Variants in SASH1 observed in about 807,000 individuals in gnomAD.
SASH1 encodes the protein SAM and SH3 domain containing 1.
SASH1 carries 44 observed loss-of-function variants against 125.2 expected under a neutral mutation model. That is an observed-to-expected ratio of 0.35 (90% confidence interval 0.28 to 0.45). SASH1 has a LOEUF of 0.45. Ranked by LOEUF, SASH1 falls within the 20% of genes least tolerant of loss-of-function variation. The pLI is 1.00. For synonymous variants in SASH1, 639 were observed against 649.1 expected (o/e 0.98, Z 0.24); for missense variants, 1,426 against 1,614.5 (o/e 0.88, Z 2.00).
the SASH1 span, among the ~76,000 whole-genome samples, chr6:148,202,951 C>CAA: frequency 1.3e-4 from 18 of 137,260 alleles, no homozygotes; most frequent in African/African-American, 2.4e-4. Flanking sequence ...AAGGCTGTGT[C>CAA]AAAAAAAAAA....
chr6:148,448,274 G>A (rs992812678), intron 4 of SASH1, among the ~76,000 whole-genome samples: 1 of 152,186 alleles, frequency 6.6e-6, no homozygotes, highest in African/African-American at 2.4e-5. Flanking sequence ...GAGTGAGCAT[G>A]CACAAACATG....
chr6:148,476,254 T>C (rs978035619), intron 7 of SASH1, among the ~76,000 whole-genome samples: 2 of 127,990 alleles, frequency 1.6e-5, no homozygotes, highest in South Asian at 2.4e-4. Flanking sequence ...CAATAAAACA[T>C]TGATGCAAGA....
intron 2 of SASH1, among the ~76,000 whole-genome samples, chr6:148,417,581 C>CAAAAAAAAAAAAAAAA (rs1356946579): frequency 2.9e-4 from 20 of 68,606 alleles, no homozygotes; most frequent in African/African-American, 9.9e-4. Context: ...GGGACTCTGT[C>CAAAAAAAAAAAAAAAA]AAAATAAATA....
At chr6:148,344,223 G>C (rs1781443767) in intron 1 of SASH1, among the ~76,000 whole-genome samples, 1 of 152,168 alleles carries the variant, frequency 6.6e-6, no homozygotes, top group South Asian at 2.1e-4. Context: ...TCTTGGCCAA[G>C]TCATTCAACC....
rs748571476 is a variant in SASH1, at chr6:148,527,497, T to C, written c.1329T>C (p.Pro443=). ...DFVYKEVIKS[P]TASRISLGKK... is the part of the protein sequence containing the mutation. ...TGTACAAAGAAGTCATCAAATCACC[T>C]ACTGCCTCTCGCATCTCTCTTGGGA... Residue 443 remains proline (P), a synonymous_variant, in exon 12 of 20, where the codon CCT becomes CCC. Coordinates refer to ENST00000367467, the MANE Select transcript of SASH1 (RefSeq NM_015278.5). 6.2e-7 allele frequency: 1 copy of C among 1,610,184 alleles called. No individual in the cohort carries two copies. Among genetic ancestry groups the C allele is most frequent in the Admixed American group, 1.7e-5 (1 of 59,088 alleles).
chr6:148,323,530 G>A (rs1780709665), intron 1 of SASH1, among the ~76,000 whole-genome samples: 1 of 152,156 alleles, frequency 6.6e-6, no homozygotes, highest in Non-Finnish European at 1.5e-5. Flanking sequence ...GGCTGACGCT[G>A]GTCACTGGAG....
chr6:148,379,761 T>C (rs1783058510), intron 1 of SASH1, among the ~76,000 whole-genome samples: 1 of 152,240 alleles, frequency 6.6e-6, no homozygotes, highest in Non-Finnish European at 1.5e-5. Flanking sequence ...AGTTGCCTGG[T>C]AACAACAAAC....
the SASH1 span, among the ~76,000 whole-genome samples, chr6:148,247,052 CTA>C: frequency 6.6e-6 from 1 of 152,204 alleles, no homozygotes; most frequent in African/African-American, 2.4e-5. Flanking sequence ...AATGGACTGT[CTA>C]TCCCTGAGGA....
chr6:148,363,471 C>T (rs528666345), intron 1 of SASH1, among the ~76,000 whole-genome samples: 13 of 151,900 alleles, frequency 8.6e-5, no homozygotes, highest in Admixed American at 5.9e-4. Context: ...GCACGATCTT[C>T]GCTCACTGCA....
intron 8 of SASH1, among the ~76,000 whole-genome samples, chr6:148,488,266 A>G (rs1345846707): frequency 6.6e-6 from 1 of 152,182 alleles, no homozygotes; most frequent in African/African-American, 2.4e-5. Flanking sequence ...TGTCTGGTTT[A>G]TTTCACTAGC....
intron 1 of SASH1, among the ~76,000 whole-genome samples, chr6:148,332,438 A>T (rs766675757): frequency 1.3e-5 from 2 of 152,230 alleles, no homozygotes; most frequent in Non-Finnish European, 2.9e-5. Context: ...TCTCTGCTAT[A>T]AGCAGAAAAT....
chr6:148,237,602 C>T, the SASH1 span: 2 of 152,126 alleles, frequency 1.3e-5, no homozygotes, highest in African/African-American at 2.4e-5. Context: ...TTTATTCCCA[C>T]ATTCATCAGG....
chr6:148,381,617 CTTTTTTTTTTTTT>C lies in SASH1; in HGVS notation c.157-8503_157-8491del, dbSNP rs201145545. On this transcript the variant is annotated intron_variant, in intron 1 of 19. Coordinates refer to ENST00000367467, the MANE Select transcript of SASH1 (RefSeq NM_015278.5). The stretch of plus-strand genomic sequence containing the variant: ...ACTCCATCAGTGCCTTTCTTGCTTT[CTTTTTTTTTTTTT>C]TTTTTTTTTTTTTGAGACAGAGTCT... Among the ~76,000 whole-genome samples, 18 of 77,894 alleles carry C rather than the reference CTTTTTTTTTTTTT, an allele frequency of 2.3e-4. No individual in the cohort carries two copies. The East Asian group carries it at 2.7e-3, about 12-fold the overall frequency. The allele number at this position is 77,894 out of a possible 152,430, so 51.1% of individuals were successfully genotyped here. A position where few individuals can be genotyped will look rare whatever the true frequency, so the allele number is the denominator to read the frequency against.
At chr6:148,266,961 A>C in the SASH1 span, among the ~76,000 whole-genome samples, 1 of 152,036 alleles carries the variant, frequency 6.6e-6, no homozygotes, top group African/African-American at 2.4e-5. Flanking sequence ...AGCTAGTAGG[A>C]GCCAGGGCAC....
intron 1 of SASH1, among the ~76,000 whole-genome samples, chr6:148,380,376 T>C (rs1783083360): frequency 6.6e-6 from 1 of 152,248 alleles, no homozygotes; most frequent in Admixed American, 6.5e-5. Flanking sequence ...ATTCTGGTCA[T>C]ATCACATTCA....
chr6:148,306,695 G>A (rs961937530), intron 1 of SASH1, among the ~76,000 whole-genome samples: 3 of 152,040 alleles, frequency 2.0e-5, no homozygotes, highest in African/African-American at 4.8e-5. Flanking sequence ...AGATTCTCCC[G>A]AGCTGAGACA....
intron 7 of SASH1, among the ~76,000 whole-genome samples, chr6:148,487,025 ATATT>A (rs1419097311): frequency 9.1e-6 from 1 of 109,346 alleles, no homozygotes; most frequent in African/African-American, 3.1e-5. Flanking sequence ...TTTTATATAT[ATATT>A]TGTTATATAT....
intron 4 of SASH1, among the ~76,000 whole-genome samples, chr6:148,448,115 A>AGTGTGTGTGTGTGT (rs34309514): frequency 1.4e-5 from 2 of 146,816 alleles, no homozygotes; most frequent in Admixed American, 6.7e-5. Flanking sequence ...CAGTGGAGAG[A>AGTGTGTGTGTGTGT]GTGTGTGTGT....
In SASH1 at chr6:148,519,917, C is replaced by G; in HGVS notation, c.1209+24C>G. On this transcript the variant is annotated intron_variant, in intron 10 of 19. Coordinates refer to ENST00000367467, the MANE Select transcript of SASH1 (RefSeq NM_015278.5). This position sits in a 1 kb window ranked among gnomAD's most constrained non-coding sequence, Gnocchi z 4.8. ...GGGTAAGTACGGATGGTGTTTGCTT[C>G]TATGACAACCACCGTCGCAGGCACC... The G allele has an allele frequency of 6.7e-7, 1 of 1,488,132 alleles. No individual in the cohort carries two copies. Among genetic ancestry groups the G allele is most frequent in the South Asian group, 1.2e-5 (1 of 81,408 alleles). The allele number at this position is 1,488,132 out of a possible 1,614,324, so 92.2% of individuals were successfully genotyped here.
Sources: allele counts gnomAD v4.1 joint callset (sites outside exome capture counted in the v4.1 genomes callset), GRCh38; gene constraint gnomAD v4.1.1; non-coding constraint Gnocchi (gnomAD v3.1); transcripts MANE v1.5; gene names NCBI Gene and HGNC (gene_info 2026-07-23, HGNC 2026-07-21).